The following SHISA6 variants were observed in gnomAD, a reference collection of about 807,000 sequenced individuals.
SHISA6 encodes protein shisa-6.
SHISA6 carries 22 observed loss-of-function variants against 47.9 expected under a neutral mutation model. That is an observed-to-expected ratio of 0.46 (90% CI 0.33 to 0.66). SHISA6 has a LOEUF of 0.66. Ranked by LOEUF, SHISA6 falls within the 30% of genes least tolerant of loss-of-function variation. The pLI is 0.02. For synonymous variants in SHISA6, 388 were observed against 337.8 expected, an observed-to-expected ratio of 1.15 and a Z score of -1.63; for missense variants, 680 against 764.6, an observed-to-expected ratio of 0.89 and a Z score of 1.30.
chr17:11,308,818 GA>G (rs1446922703), intron 2 of SHISA6, among the ~76,000 whole-genome samples: 1 of 152,204 alleles, frequency 6.6e-6, no homozygotes, highest in East Asian at 1.9e-4. Context: ...TATGTAAAGG[GA>G]AGAACAGGCA....
chr17:11,540,054 C>T (rs1030128670), intron 3 of SHISA6, among the ~76,000 whole-genome samples: 2 of 152,208 alleles, frequency 1.3e-5, no homozygotes, highest in Non-Finnish European at 2.9e-5. Context: ...CTCCCTTCCA[C>T]ATCAACACAT....
At chr17:11,309,727 G>A (rs149582463) in intron 2 of SHISA6, among the ~76,000 whole-genome samples, 1,526 of 152,252 alleles carry the variant, frequency 0.01, 13 homozygotes, top group Non-Finnish European at 0.016. Flanking sequence ...GCTTTGCCCC[G>A]GCTTTGTGTG....
At chr17:11,315,840 C>T (rs199826640) in intron 2 of SHISA6, among the ~76,000 whole-genome samples, 1 of 152,084 alleles carries the variant, frequency 6.6e-6, no homozygotes, top group East Asian at 1.9e-4. Context: ...GTATGAGAGC[C>T]AAACATAGAG....
Position 11,424,988 on chromosome 17 carries a change from C to CGG in SHISA6, c.895+45479_895+45480insGG, listed in dbSNP as rs1914569520. The stretch of plus-strand genomic sequence containing the variant: ...CGCCACTGCACTCCAGCCTGAGCGA[C>CGG]AGAGTGATACTCCGTCTCAAAAAAA... On this transcript the variant is annotated intron_variant, in intron 3 of 5. Coordinates refer to ENST00000441885, the MANE Select transcript of SHISA6 (RefSeq NM_207386.4). 3.6e-5 allele frequency among the ~76,000 whole-genome samples: 4 copies of CGG among 112,426 alleles called. No individual in the cohort carries two copies. In the East Asian group the frequency reaches 1.1e-3, roughly 30 times the overall value. The allele number at this position is 112,426 out of a possible 152,430, so 73.8% of individuals were successfully genotyped here.
At chr17:11,534,304 G>A (rs551932298) in intron 3 of SHISA6, among the ~76,000 whole-genome samples, 4 of 151,820 alleles carry the variant, frequency 2.6e-5, no homozygotes, top group East Asian at 1.9e-4. Context: ...CACTGCGCCC[G>A]GCCTATTCTA....
intron 3 of SHISA6, among the ~76,000 whole-genome samples, chr17:11,446,697 C>A (rs973596178): frequency 6.6e-6 from 1 of 152,156 alleles, no homozygotes; most frequent in African/African-American, 2.4e-5. Flanking sequence ...CTTTTTCTAC[C>A]CAGATATCTC....
chr17:11,350,048 G>A (rs1284601677), intron 2 of SHISA6, among the ~76,000 whole-genome samples: 3 of 151,548 alleles, frequency 2.0e-5, no homozygotes, highest in Admixed American at 2.0e-4. Flanking sequence ...AGAAAACCAT[G>A]TTCTCCCCAC....
chr17:11,466,842 C>T (rs1011478755), intron 3 of SHISA6, among the ~76,000 whole-genome samples: 17 of 152,178 alleles, frequency 1.1e-4, no homozygotes, highest in African/African-American at 4.1e-4. Flanking sequence ...GAGACCACCC[C>T]CTGTAACCCA....
At chr17:11,481,201 C>T (rs1224102838) in intron 3 of SHISA6, among the ~76,000 whole-genome samples, 1 of 151,912 alleles carries the variant, frequency 6.6e-6, no homozygotes, top group African/African-American at 2.4e-5. Context: ...CTTATTTGAA[C>T]CCGGGAGGCA....
At chr17:11,372,810 C>A (rs536418606) in intron 2 of SHISA6, among the ~76,000 whole-genome samples, 1 of 152,202 alleles carries the variant, frequency 6.6e-6, no homozygotes, top group South Asian at 2.1e-4. Flanking sequence ...GGCCTAAGCA[C>A]CATTCAAGCT....
At chr17:11,375,906 T>C (rs113194348) in intron 2 of SHISA6, among the ~76,000 whole-genome samples, 15 of 152,256 alleles carry the variant, frequency 9.9e-5, no homozygotes, top group African/African-American at 2.4e-4. Flanking sequence ...TTTGCACCAT[T>C]CAGTTCAGCA....
At chr17:11,531,211 C>CTGTGTGTGTG (rs58392834) in intron 3 of SHISA6, among the ~76,000 whole-genome samples, 5 of 133,962 alleles carry the variant, frequency 3.7e-5, no homozygotes, top group South Asian at 2.6e-4. Flanking sequence ...GGTTACTACT[C>CTGTGTGTGTG]TGTGTGTGTG....
intron 3 of SHISA6, among the ~76,000 whole-genome samples, chr17:11,417,886 G>A (rs1036733101): frequency 6.6e-6 from 1 of 152,278 alleles, no homozygotes; most frequent in East Asian, 1.9e-4. Flanking sequence ...TGCTTAGTCC[G>A]TTTTAAAGGG....
chr17:11,353,145 G>A (rs767208197), intron 2 of SHISA6, among the ~76,000 whole-genome samples: 5 of 151,958 alleles, frequency 3.3e-5, no homozygotes, highest in Admixed American at 6.6e-5. Context: ...TACAGCTGCC[G>A]GTGCATAATA....
At chr17:11,350,146 C>A (rs907790141) in intron 2 of SHISA6, among the ~76,000 whole-genome samples, 1 of 150,128 alleles carries the variant, frequency 6.7e-6, no homozygotes, top group Admixed American at 6.7e-5. Flanking sequence ...CAGGCACCGC[C>A]ATGCCCGGCT....
intron 4 of SHISA6, among the ~76,000 whole-genome samples, chr17:11,552,618 A>C (rs1309065770): frequency 1.3e-5 from 2 of 152,246 alleles, no homozygotes; most frequent in Admixed American, 1.3e-4. Context: ...TTTGCTGTGA[A>C]AGAGTGAAAA....
At chr17:11,304,512 G>A (rs193181682) in intron 2 of SHISA6, among the ~76,000 whole-genome samples, 6 of 152,254 alleles carry the variant, frequency 3.9e-5, no homozygotes, top group Admixed American at 2.0e-4. Context: ...AGCAAAGGGC[G>A]GGTGGGTGCT....
Position 11,241,403 on chromosome 17 carries a change from C to G in SHISA6, c.-20C>G. On this transcript the variant is annotated 5_prime_UTR_variant, in exon 1 of 6. Coordinates refer to ENST00000441885, the MANE Select transcript of SHISA6 (RefSeq NM_207386.4). The surrounding 1 kb of genome is among the most constrained non-coding windows in gnomAD (Gnocchi z 5.5). ...GGCCTGCCGCGGAAGCCTCCCCGCG[C>G]CCTCCCGCCCGGCCCCGCCATGGCG... 2.7e-6 allele frequency: 3 copies of G among 1,108,442 alleles called. No individual in the cohort carries two copies. The highest frequency in any genetic ancestry group is 3.3e-6 in the Non-Finnish European group (3 of 905,494). 68.7% of individuals were successfully genotyped at this position (1,108,442 alleles called of 1,614,324 possible). A position where few individuals can be genotyped will look rare whatever the true frequency, so the allele number is the denominator to read the frequency against.
At chr17:11,411,640 G>T (rs1198182512) in intron 3 of SHISA6, among the ~76,000 whole-genome samples, 1 of 151,858 alleles carries the variant, frequency 6.6e-6, no homozygotes, top group Non-Finnish European at 1.5e-5. Context: ...CAGATGATCC[G>T]CCCTCCTCGG....
Sources: allele counts gnomAD v4.1 joint callset (sites outside exome capture counted in the v4.1 genomes callset), GRCh38; gene constraint gnomAD v4.1.1; non-coding constraint Gnocchi (gnomAD v3.1); transcripts MANE v1.5; gene names NCBI Gene and HGNC (gene_info 2026-07-23, HGNC 2026-07-21).